Variants in TSNARE1 observed in about 807,000 individuals in gnomAD.
TSNARE1 encodes t-SNARE domain containing 1, also known as t-SNARE domain-containing protein 1.
TSNARE1 carries 49 observed loss-of-function variants against 62.0 expected under a neutral mutation model. The observed-to-expected ratio is 0.79, with a 90% confidence interval of 0.63 to 1.00. The LOEUF is 1.00. Ranked by LOEUF, TSNARE1 falls within the 50% of genes least tolerant of loss-of-function variation. TSNARE1 has a pLI of 0.00. For missense variants in TSNARE1, 755 were observed against 700.1 expected, an observed-to-expected ratio of 1.08 and a Z score of -0.88; for synonymous variants, 328 against 294.4, an observed-to-expected ratio of 1.11 and a Z score of -1.17.
intron 1 of TSNARE1, among the ~76,000 whole-genome samples, chr8:142,367,284 C>G (rs1440014612): frequency 1.3e-5 from 2 of 152,140 alleles, no homozygotes; most frequent in African/African-American, 4.8e-5. Context: ...TCTAAGAAAA[C>G]AAAGACACAA....
At chr8:142,305,305 C>G (rs1178900709) in intron 9 of TSNARE1, among the ~76,000 whole-genome samples, 1 of 138,724 alleles carries the variant, frequency 7.2e-6, no homozygotes, top group African/African-American at 2.6e-5. Flanking sequence ...CCACCTCCTG[C>G]ATGTGGAGAA....
chr8:142,214,390 A>C (rs1815730302), intron 13 of TSNARE1, among the ~76,000 whole-genome samples: 1 of 150,462 alleles, frequency 6.6e-6, no homozygotes, highest in African/African-American at 2.5e-5. Flanking sequence ...TCTCCCCGCC[A>C]CCCCGGATTT....
Position 142,225,513 on chromosome 8 carries a change from C to T in TSNARE1, c.*11+3960G>A, listed in dbSNP as rs184563893. Among the ~76,000 whole-genome samples the T allele has an allele frequency of 2.0e-4, 31 of 152,022 alleles. 1 individual carries two copies. The South Asian group carries it at 2.1e-3, about 10-fold the overall frequency. The stretch of plus-strand genomic sequence containing the variant: ...CCATCTATCTCTCCTGCTGGGAGGT[C>T]GGGCACTCCTGGGCCCTCTGCAGTC... On this transcript the variant is annotated intron_variant, in intron 13 of 13. Coordinates refer to ENST00000524325, the MANE Select transcript of TSNARE1 (RefSeq NM_145003.5).
At chr8:142,269,623 C>T (rs1439026103) in intron 12 of TSNARE1, 16 of 985,264 alleles carry the variant, frequency 1.6e-5, no homozygotes, top group Non-Finnish European at 1.9e-5. Flanking sequence ...GCCACTGTGC[C>T]CAGGCCATGG....
chr8:142,262,714 C>T (rs900926833), intron 12 of TSNARE1, among the ~76,000 whole-genome samples: 2 of 152,230 alleles, frequency 1.3e-5, no homozygotes, highest in African/African-American at 2.4e-5. Context: ...GCATGTAAGA[C>T]GTGCCTACTT....
intron 2 of TSNARE1, among the ~76,000 whole-genome samples, chr8:142,352,079 G>C (rs570332399): frequency 4.6e-5 from 7 of 152,260 alleles, no homozygotes; most frequent in Non-Finnish European, 7.3e-5. Context: ...CCCTGGCTGA[G>C]AACTTCTGCT....
chr8:142,376,628 C>A (rs1366693104), intron 1 of TSNARE1, among the ~76,000 whole-genome samples: 1 of 152,158 alleles, frequency 6.6e-6, no homozygotes, highest in Non-Finnish European at 1.5e-5. Context: ...TGTCACCAGC[C>A]AGTTCATGGT....
chr8:142,343,514 T>A (rs1054468799), intron 4 of TSNARE1, among the ~76,000 whole-genome samples: 2 of 150,720 alleles, frequency 1.3e-5, no homozygotes, highest in Non-Finnish European at 3.0e-5. Context: ...TGTGACTGGG[T>A]GATGGTGACG....
At chr8:142,331,453 G>A (rs1463041746) in intron 5 of TSNARE1, among the ~76,000 whole-genome samples, 1 of 152,208 alleles carries the variant, frequency 6.6e-6, no homozygotes, top group African/African-American at 2.4e-5. Context: ...GTCAGGGAGA[G>A]GAGCCAGCAG....
chr8:142,298,194 C>T (rs1825088711), intron 10 of TSNARE1, among the ~76,000 whole-genome samples: 1 of 152,264 alleles, frequency 6.6e-6, no homozygotes, highest in Non-Finnish European at 1.5e-5. Flanking sequence ...CCCGCCCTGG[C>T]CCAGGCCTCT....
At chr8:142,256,490 A>G (rs1264865760) in intron 12 of TSNARE1, among the ~76,000 whole-genome samples, 1 of 147,222 alleles carries the variant, frequency 6.8e-6, no homozygotes, top group Non-Finnish European at 1.5e-5. Context: ...CACCACCACC[A>G]TCACCATCAC....
At chr8:142,236,150 C>A (rs1817408443) in intron 12 of TSNARE1, among the ~76,000 whole-genome samples, 1 of 152,146 alleles carries the variant, frequency 6.6e-6, no homozygotes, top group African/African-American at 2.4e-5. Flanking sequence ...GAGGTGGGAT[C>A]CTGGGGTGCT....
chr8:142,308,899 G>T (rs1001413314), intron 9 of TSNARE1, among the ~76,000 whole-genome samples: 1 of 152,124 alleles, frequency 6.6e-6, no homozygotes, highest in Non-Finnish European at 1.5e-5. Context: ...CCATGGTTTA[G>T]ATCATCCACT....
intron 9 of TSNARE1, among the ~76,000 whole-genome samples, chr8:142,308,127 AT>A (rs1411577542): frequency 6.6e-6 from 1 of 152,178 alleles, no homozygotes; most frequent in Non-Finnish European, 1.5e-5. Context: ...ATCTTTATAT[AT>A]TAAGGATGTA....
intron 1 of TSNARE1, among the ~76,000 whole-genome samples, chr8:142,376,039 C>T (rs1361419635): frequency 1.3e-5 from 2 of 152,218 alleles, no homozygotes; most frequent in South Asian, 2.1e-4. Context: ...TATAAACATA[C>T]GGAAAACATG....
intron 13 of TSNARE1, among the ~76,000 whole-genome samples, chr8:142,228,910 G>A (rs534441940): frequency 4.5e-4 from 68 of 152,162 alleles, no homozygotes; most frequent in African/African-American, 1.6e-3. Flanking sequence ...GTGCATGGGT[G>A]GATGGTAGCT....
At chr8:142,222,267 C>A (rs1283201230) in intron 13 of TSNARE1, among the ~76,000 whole-genome samples, 1 of 30,730 alleles carries the variant, frequency 3.3e-5, no homozygotes, top group East Asian at 8.6e-4. Context: ...CTCATCCACT[C>A]ACTCACTCAT....
intron 2 of TSNARE1, among the ~76,000 whole-genome samples, chr8:142,353,801 G>A (rs1459589244): frequency 6.6e-6 from 1 of 152,118 alleles, no homozygotes; most frequent in East Asian, 1.9e-4. Context: ...AGACCTGCCC[G>A]CACAGCTGGG....
intron 1 of TSNARE1, among the ~76,000 whole-genome samples, chr8:142,397,724 G>T (rs775871956): frequency 1.3e-5 from 2 of 152,162 alleles, no homozygotes; most frequent in Non-Finnish European, 2.9e-5. Context: ...CGAGCCTGCA[G>T]CCTGAAGCCC....
Sources: gnomAD v4.1 joint callset for allele counts (sites outside exome capture counted in the v4.1 genomes callset) on GRCh38, gnomAD v4.1.1 for gene constraint, MANE v1.5 for transcripts, NCBI Gene and HGNC (gene_info 2026-07-23, HGNC 2026-07-21) for gene names.